Variants in ANO7 observed in about 807,000 individuals in gnomAD.
ANO7 encodes the protein anoctamin-7.
In ANO7, 114 loss-of-function variants were observed where a neutral mutation model predicts 115.8. The ratio of observed to expected loss-of-function variants is 0.98; its 90% CI spans 0.85 to 1.15. The LOEUF is 1.15. ANO7 is among the 50% of genes most tolerant of loss of function. The probability of loss-of-function intolerance (pLI) is 0.00; values close to 1 mark genes in which losing one functional copy is unlikely to be tolerated. For synonymous variants in ANO7, 550 were observed against 498.2 expected, an observed-to-expected ratio of 1.10 and a Z score of -1.38; for missense variants, 1,302 against 1,201.2, an observed-to-expected ratio of 1.08 and a Z score of -1.24.
At chr2:241,239,871 C>T in the ANO7 span, 1 of 1,612,702 alleles carries the variant, frequency 6.2e-7, no homozygotes, top group African/African-American at 1.3e-5. This position sits in a 1 kb window ranked among gnomAD's most constrained non-coding sequence, Gnocchi z 4.6. Context: ...ACGGCCCCAG[C>T]AGAGTCGGCC....
chr2:241,221,838 C>G (rs1440957914), intron 21 of ANO7, among the ~76,000 whole-genome samples: 1 of 151,194 alleles, frequency 6.6e-6, no homozygotes, highest in East Asian at 2.0e-4. Context: ...CCACCATGCC[C>G]AGCTACTCTT....
At chr2:241,198,914 G>A (rs2068403395) in intron 4 of ANO7, among the ~76,000 whole-genome samples, 1 of 152,228 alleles carries the variant, frequency 6.6e-6, no homozygotes, top group Non-Finnish European at 1.5e-5. Flanking sequence ...TGTACACCTG[G>A]TGACCGATCA....
At chr2:241,193,250 A>T (rs2068246476) in intron 3 of ANO7, among the ~76,000 whole-genome samples, 1 of 151,978 alleles carries the variant, frequency 6.6e-6, no homozygotes. Context: ...TTGTGTTTGT[A>T]GTAGAGACGG....
downstream of ANO7, chr2:241,227,613 G>A (rs1009149584): frequency 3.3e-5 from 5 of 152,622 alleles, no homozygotes; most frequent in Admixed American, 1.3e-4. Context: ...AAGGGCTCGC[G>A]TCTAAGACAT....
At position 241,209,484 on chromosome 2, in the gene ANO7, C is replaced by T. The variant is rs200691356; in HGVS notation, c.1222-14C>T. 3,292 of 1,597,880 alleles carry T rather than the reference C, an allele frequency of 2.1e-3. 8 individuals carry two copies. Among genetic ancestry groups the T allele is most frequent in the Non-Finnish European group, 2.6e-3 (3,032 of 1,172,414 alleles). ...CCCGGCGAGGGCCGCCACTGAGCAC[C>T]GGCTCCCTTCCAGGAGAGGCCTCGG... On this transcript the variant is annotated splice_polypyrimidine_tract_variant and intron_variant, in intron 12 of 24. Transcript: ENST00000674324.
At position 241,209,380 on chromosome 2, in the gene ANO7, C is replaced by A; in HGVS notation, c.1173C>A (p.Ser391Arg). Residue 391 changes from serine to arginine, a missense_variant, in exon 12 of 25, where the codon AGC (serine) becomes AGA (arginine). Ser to Arg is a moderately radical substitution (Grantham distance 110, BLOSUM62 -1). Coordinates refer to ENST00000674324, the MANE Select transcript of ANO7 (RefSeq NM_001370694.2). ...VLLLEYWKRKSATLAYRWDCS... is the reference protein window; with the variant it reads ...VLLLEYWKRKRATLAYRWDCS... ...TGCTGGAGTACTGGAAGCGGAAGAG[C>A]GCCACGCTGGCCTACCGCTGGGACT... The A allele has an allele frequency of 1.3e-6, 2 of 1,582,154 alleles. No individual in the cohort carries two copies. The highest frequency in any genetic ancestry group is 1.7e-6 in the Non-Finnish European group (2 of 1,164,766).
intron 4 of ANO7, among the ~76,000 whole-genome samples, chr2:241,196,394 C>T (rs2068330170): frequency 6.6e-6 from 1 of 152,280 alleles, no homozygotes; most frequent in African/African-American, 2.4e-5. Context: ...GAGCCCAGCT[C>T]TCACCCTGCT....
At chr2:241,191,445 G>A (rs1331051812) in intron 3 of ANO7, among the ~76,000 whole-genome samples, 194 bp downstream of exon 3, 1 of 152,116 alleles carries the variant, frequency 6.6e-6, no homozygotes, top group Non-Finnish European at 1.5e-5. Flanking sequence ...CAGGAAAGGG[G>A]GCTCCCTACT....
At position 241,218,308 on chromosome 2, in the gene ANO7, C is replaced by G; in HGVS notation, c.2248C>G (p.Leu750Val). ...AYYRWTRAHD[L>V]RGFLNFTLAR... ...CTACCGGTGGACCCGCGCCCACGACCTGCGCGGCTTCCTCAACTTCACGCT... is the reference window on the plus strand; with the variant it reads ...CTACCGGTGGACCCGCGCCCACGACGTGCGCGGCTTCCTCAACTTCACGCT... Residue 750 changes from leucine to valine, a missense_variant, in exon 21 of 25, where the codon CTG (leucine) becomes GTG (valine). By Grantham distance (32) the Leu-to-Val change is conservative. Transcript: ENST00000674324. 1 of 1,533,870 alleles carries G rather than the reference C, an allele frequency of 6.5e-7. No homozygotes were observed.
intron 21 of ANO7, among the ~76,000 whole-genome samples, chr2:241,222,982 T>C (rs549328114): frequency 1.3e-5 from 2 of 152,338 alleles, no homozygotes; most frequent in East Asian, 3.9e-4. Flanking sequence ...CATCCACCTT[T>C]GGAACCCACC....
chr2:241,190,283 C>T (rs978025342), intron 2 of ANO7, 112 bp downstream of exon 2: 14 of 906,448 alleles, frequency 1.5e-5, no homozygotes, highest in Non-Finnish European at 2.2e-5. Flanking sequence ...CACCGTGTTT[C>T]TCCTGCATCC....
intron 10 of ANO7, 22 bp downstream of exon 10, chr2:241,204,977 C>T (rs2068556819): frequency 1.2e-6 from 2 of 1,608,960 alleles, no homozygotes; most frequent in Non-Finnish European, 1.7e-6. Context: ...CTCTCCGCAG[C>T]TCTGGGGCCT....
rs147585177 is a variant in ANO7 at position 241,201,979 on chromosome 2, A to G, written c.613-215A>G. Among the ~76,000 whole-genome samples, 138 of 152,348 alleles carry G rather than the reference A, an allele frequency of 9.1e-4. 4 individuals are homozygous for G. The highest frequency in any genetic ancestry group is 3.0e-3 in the African/African-American group (126 of 41,592). On this transcript the variant is annotated intron_variant, in intron 7 of 24. Coordinates refer to ENST00000674324, the MANE Select transcript of ANO7 (RefSeq NM_001370694.2). ...CTGGTCAAGGACTCTGAGCCTGCACAGTGGGAGAATGAGCACTACCCTGGC... is the reference window on the plus strand; with the variant it reads ...CTGGTCAAGGACTCTGAGCCTGCACGGTGGGAGAATGAGCACTACCCTGGC...
intron 2 of ANO7, among the ~76,000 whole-genome samples, chr2:241,190,918 G>A (rs1296417089): frequency 6.6e-6 from 1 of 152,230 alleles, no homozygotes; most frequent in African/African-American, 2.4e-5. Context: ...CTGGCCCAAG[G>A]AGGAGGGGAG....
intron 21 of ANO7, among the ~76,000 whole-genome samples, chr2:241,221,957 G>A (rs1017015305): frequency 6.6e-6 from 1 of 152,160 alleles, no homozygotes; most frequent in East Asian, 1.9e-4. Flanking sequence ...TGGGATGGCC[G>A]GGCGCGGGGG....
rs1302476398 is a variant in ANO7 at position 241,225,924 on chromosome 2, G to A, written c.*1771G>A. Among the ~76,000 whole-genome samples the A allele has an allele frequency of 6.6e-6, 1 of 152,210 alleles. No homozygotes were observed. The highest frequency in any genetic ancestry group is 1.5e-5 in the Non-Finnish European group (1 of 68,036). On this transcript the variant is annotated 3_prime_UTR_variant, in exon 25 of 25. Transcript: ENST00000674324. ...AGCACAATGCTTACTACAAACCCAC[G>A]TGTACTTCCTTCCAGCTGGTTGCTT... is the stretch of plus-strand genomic sequence containing the variant.
At chr2:241,220,963 G>A (rs1400609453) in intron 21 of ANO7, among the ~76,000 whole-genome samples, 1 of 150,576 alleles carries the variant, frequency 6.6e-6, no homozygotes, top group Non-Finnish European at 1.5e-5. Flanking sequence ...AGAATGAGAC[G>A]CTGTCTCAGG....
chr2:241,209,533 C>T lies in ANO7; in HGVS notation c.1257C>T (p.Pro419=). 6.3e-7 allele frequency: 1 copy of T among 1,595,532 alleles called. No individual in the cohort carries two copies. The highest frequency in any genetic ancestry group is 8.5e-7 in the Non-Finnish European group (1 of 1,171,310). The change falls in exon 13 of 25, where the codon CCC becomes CCT. Residue 419 remains proline, a synonymous_variant. Coordinates refer to ENST00000674324, the MANE Select transcript of ANO7 (RefSeq NM_001370694.2). ...RPRPQFAASA[P]MTAPNPITGE... is the part of the protein sequence containing the mutation. ...GGCCCCAGTTTGCCGCCTCAGCCCC[C>T]ATGACAGCCCCGAACCCCATCACGG...
downstream of ANO7, chr2:241,227,839 C>T (rs1411117531): frequency 6.6e-6 from 1 of 152,062 alleles, no homozygotes; most frequent in African/African-American, 2.4e-5. Context: ...TGGCCTCCCC[C>T]GTGGAGGTGG....
Sources: gnomAD v4.1 joint callset for allele counts (sites outside exome capture counted in the v4.1 genomes callset) on GRCh38, gnomAD v4.1.1 for gene constraint, Gnocchi (gnomAD v3.1) non-coding constraint, MANE v1.5 for transcripts, NCBI Gene and HGNC (gene_info 2026-07-23, HGNC 2026-07-21) for gene names.